Variants in CNTNAP2 observed in about 807,000 individuals in gnomAD.
CNTNAP2 encodes contactin-associated protein-like 2.
In CNTNAP2, 98 loss-of-function variants were observed where a neutral mutation model predicts 155.2. The ratio of observed to expected loss-of-function variants is 0.63; its 90% CI spans 0.54 to 0.75. The LOEUF is 0.75. CNTNAP2 is among the 30% of genes least tolerant of loss of function. The probability of loss-of-function intolerance (pLI) is 0.00; values close to 1 mark genes in which losing one functional copy is unlikely to be tolerated. For synonymous variants in CNTNAP2, 651 were observed against 631.2 expected (o/e 1.03, Z -0.47); for missense variants, 1,727 against 1,688.1 (o/e 1.02, Z -0.40).
At chr7:148,045,339 G>A (rs1802756676) in intron 15 of CNTNAP2, among the ~76,000 whole-genome samples, 1 of 152,170 alleles carries the variant, frequency 6.6e-6, no homozygotes, top group Non-Finnish European at 1.5e-5. Context: ...GTGGTGGGGG[G>A]CGTTACAGCA....
intron 8 of CNTNAP2, among the ~76,000 whole-genome samples, chr7:147,139,499 C>T (rs927531865): frequency 6.6e-6 from 1 of 152,108 alleles, no homozygotes. Context: ...CTTCCCCACA[C>T]CACTTCCCAC....
At chr7:147,359,938 A>G (rs912648784) in intron 9 of CNTNAP2, among the ~76,000 whole-genome samples, 1 of 152,188 alleles carries the variant, frequency 6.6e-6, no homozygotes, top group African/African-American at 2.4e-5. Flanking sequence ...TAAACAACAT[A>G]AACTTGAATA....
At chr7:146,887,086 G>A (rs1199634152) in intron 3 of CNTNAP2, among the ~76,000 whole-genome samples, 1 of 151,794 alleles carries the variant, frequency 6.6e-6, no homozygotes. Flanking sequence ...ATCAGACTAA[G>A]TATTCATAAA....
intron 15 of CNTNAP2, among the ~76,000 whole-genome samples, chr7:148,057,899 T>C (rs1393300426): frequency 1.3e-5 from 2 of 151,450 alleles, no homozygotes; most frequent in Admixed American, 6.6e-5. Flanking sequence ...TCTGTAGCTA[T>C]CTGCTTAGGA....
In CNTNAP2 at chr7:148,219,451, T is replaced by C. The variant is rs377434766; in HGVS notation, c.3247+1927T>C. On this transcript the variant is annotated intron_variant, in intron 19 of 23. Coordinates refer to ENST00000361727, the MANE Select transcript of CNTNAP2 (RefSeq NM_014141.6). ...GCTCATGCCTGTAATCCCAGCACTATGGAAGGCTGAGGCAGGAGGATTGCT... is the reference window on the plus strand; with the variant it reads ...GCTCATGCCTGTAATCCCAGCACTACGGAAGGCTGAGGCAGGAGGATTGCT... Among the ~76,000 whole-genome samples the C allele has an allele frequency of 7.9e-5, 12 of 152,284 alleles. 1 individual carries two copies. In the South Asian group the frequency reaches 1.7e-3, roughly 21 times the overall value.
At chr7:147,975,144 A>G (rs1389912282) in intron 14 of CNTNAP2, among the ~76,000 whole-genome samples, 1 of 150,316 alleles carries the variant, frequency 6.7e-6, no homozygotes, top group Non-Finnish European at 1.5e-5. Context: ...TTTGTATTAT[A>G]TATACTATTT....
At chr7:147,678,619 G>C (rs1340310559) in intron 13 of CNTNAP2, among the ~76,000 whole-genome samples, 6 of 151,470 alleles carry the variant, frequency 4.0e-5, no homozygotes, top group African/African-American at 1.4e-4. Flanking sequence ...TTGCCTGCAG[G>C]CAGTTTGGTT....
intron 8 of CNTNAP2, among the ~76,000 whole-genome samples, chr7:147,247,291 G>C (rs1030676123): frequency 3.9e-5 from 6 of 152,140 alleles, no homozygotes; most frequent in Admixed American, 3.9e-4. Flanking sequence ...TTGCAGGTCT[G>C]CTAAACAACA....
intron 1 of CNTNAP2, among the ~76,000 whole-genome samples, chr7:146,464,187 GT>G (rs369508603): frequency 0.05 from 4,580 of 91,484 alleles, 156 homozygotes; most frequent in African/African-American, 0.16. Flanking sequence ...CTTTGAAACT[GT>G]TTTTTTTTTT....
At chr7:147,598,721 G>A (rs1367046251) in intron 12 of CNTNAP2, among the ~76,000 whole-genome samples, 1 of 152,122 alleles carries the variant, frequency 6.6e-6, no homozygotes, top group African/African-American at 2.4e-5. Flanking sequence ...ATCTTGAATT[G>A]TAGTTCCCAT....
chr7:146,683,400 T>A (rs1800539752), intron 1 of CNTNAP2, among the ~76,000 whole-genome samples: 1 of 152,186 alleles, frequency 6.6e-6, no homozygotes, highest in African/African-American at 2.4e-5. Flanking sequence ...AATATTTTCC[T>A]CAATAAAAGT....
chr7:146,607,064 G>A (rs1182992090), intron 1 of CNTNAP2, among the ~76,000 whole-genome samples: 4 of 152,016 alleles, frequency 2.6e-5, no homozygotes, highest in Admixed American at 1.3e-4. Context: ...TAAGGAAGGA[G>A]GAGACCAAGG....
intron 1 of CNTNAP2, among the ~76,000 whole-genome samples, chr7:146,552,942 G>A (rs34074531): frequency 4.0e-5 from 6 of 151,802 alleles, no homozygotes; most frequent in East Asian, 1.9e-4. Flanking sequence ...TTACTTTGCC[G>A]CACTGTCTAA....
chr7:146,226,489 A>T (rs2539739), intron 1 of CNTNAP2, among the ~76,000 whole-genome samples: 106,513 of 151,898 alleles, frequency 0.7, 38,150 homozygotes, highest in East Asian at 0.94. Flanking sequence ...TGAGACCCCA[A>T]GTCTACAAAA....
intron 1 of CNTNAP2, among the ~76,000 whole-genome samples, chr7:146,554,361 G>T (rs1373800258): frequency 6.6e-6 from 1 of 152,050 alleles, no homozygotes; most frequent in African/African-American, 2.4e-5. Flanking sequence ...AAAATAAGTT[G>T]TCTTAAAAAT....
intron 8 of CNTNAP2, among the ~76,000 whole-genome samples, chr7:147,220,068 C>T (rs1028673602): frequency 9.3e-5 from 14 of 151,320 alleles, no homozygotes; most frequent in African/African-American, 3.2e-4. Flanking sequence ...GGATTACAGG[C>T]GTGAACCACC....
At chr7:148,344,031 T>G (rs1164308627) in intron 21 of CNTNAP2, among the ~76,000 whole-genome samples, 4 of 152,314 alleles carry the variant, frequency 2.6e-5, no homozygotes, top group African/African-American at 9.6e-5. Context: ...AATCTAATGA[T>G]ACCCCTAGGA....
At chr7:147,640,153 AATATG>A (rs530479868) in intron 13 of CNTNAP2, among the ~76,000 whole-genome samples, 70 of 151,336 alleles carry the variant, frequency 4.6e-4, no homozygotes, top group Non-Finnish European at 9.1e-4. Context: ...TTTCGTGTAC[AATATG>A]ATATGATATA....
At chr7:146,677,304 G>A (rs1050521412) in intron 1 of CNTNAP2, among the ~76,000 whole-genome samples, 2 of 152,160 alleles carry the variant, frequency 1.3e-5, no homozygotes, top group African/African-American at 4.8e-5. Context: ...GCATAGAAAG[G>A]AATATCTTGT....
Sources: gnomAD v4.1 joint callset for allele counts (sites outside exome capture counted in the v4.1 genomes callset) on GRCh38, gnomAD v4.1.1 for gene constraint, MANE v1.5 for transcripts, NCBI Gene and HGNC (gene_info 2026-07-23, HGNC 2026-07-21) for gene names.